Variants in RIC3 observed in about 807,000 individuals in gnomAD.
RIC3 encodes the protein protein RIC-3.
Under a neutral mutation model 27.3 loss-of-function variants are expected in RIC3, and 28 were observed. The ratio of observed to expected loss-of-function variants is 1.02; its 90% confidence interval spans 0.76 to 1.41. RIC3 has a LOEUF of 1.41. Among genes scored for constraint, RIC3 ranks in the 40% most tolerant of loss-of-function variants. RIC3 has a pLI of 0.00. For synonymous variants in RIC3, 184 were observed against 160.4 expected, an observed-to-expected ratio of 1.15 and a Z score of -1.11; for missense variants, 501 against 444.7, an observed-to-expected ratio of 1.13 and a Z score of -1.14.
chr11:8,096,931 T>C, the RIC3 span: 1 of 1,115,016 alleles, frequency 9.0e-7, no homozygotes, highest in Non-Finnish European at 1.3e-6. Context: ...CTTATGTCCC[T>C]CTACCTTGCC....
intron 4 of RIC3, among the ~76,000 whole-genome samples, chr11:8,130,895 T>C (rs1003645589): frequency 1.3e-5 from 2 of 151,756 alleles, no homozygotes; most frequent in African/African-American, 4.8e-5. Context: ...TGAAGAAAGA[T>C]AAAGCAAGAG....
intron 1 of RIC3, among the ~76,000 whole-genome samples, chr11:8,150,934 T>C (rs1486785444): frequency 2.0e-5 from 3 of 152,158 alleles, no homozygotes; most frequent in African/African-American, 7.2e-5. Context: ...CAGGTAGATA[T>C]TCACATGTAA....
chr11:8,159,701 C>G (rs757428129), intron 1 of RIC3, among the ~76,000 whole-genome samples: 2 of 152,044 alleles, frequency 1.3e-5, no homozygotes, highest in Non-Finnish European at 2.9e-5. Context: ...ATCAAGAAAA[C>G]ATGCTGAGGC....
intron 5 of RIC3, among the ~76,000 whole-genome samples, chr11:8,113,231 G>C (rs12362369): frequency 0.041 from 6,282 of 152,232 alleles, 155 homozygotes; most frequent in Middle Eastern, 0.078. Flanking sequence ...AAGTCCATTT[G>C]CTGGCATGTC....
At chr11:8,099,027 C>G in the RIC3 span, 1 of 662,816 alleles carries the variant, frequency 1.5e-6, no homozygotes, top group South Asian at 1.8e-5. Context: ...TGGCCTAGGA[C>G]AGGGGCTCTG....
intron 1 of RIC3, among the ~76,000 whole-genome samples, chr11:8,151,066 G>C (rs1194785316): frequency 1.3e-5 from 2 of 152,208 alleles, no homozygotes; most frequent in African/African-American, 4.8e-5. Context: ...ATAAATCCTT[G>C]TGACTGTGGA....
At chr11:8,168,726 G>T in intron 1 of RIC3, 140 bp downstream of exon 1, 1 of 1,273,934 alleles carries the variant, frequency 7.8e-7, no homozygotes, top group Non-Finnish European at 1.0e-6. Flanking sequence ...GCCCTTCAAC[G>T]CCGTCTCGCC....
At chr11:8,114,153 T>G (rs971117937) in intron 5 of RIC3, among the ~76,000 whole-genome samples, 3 of 152,174 alleles carry the variant, frequency 2.0e-5, no homozygotes, top group African/African-American at 7.2e-5. Flanking sequence ...TGAATGGCTT[T>G]TCCGGACAAA....
At chr11:8,100,861 G>A in the RIC3 span, 6 of 1,614,128 alleles carry the variant, frequency 3.7e-6, no homozygotes, top group Middle Eastern at 6.6e-4. Flanking sequence ...GGCAGAATAA[G>A]AACACGGAGA....
At chr11:8,125,305 C>T (rs1234076063) in intron 5 of RIC3, among the ~76,000 whole-genome samples, 2 of 151,122 alleles carry the variant, frequency 1.3e-5, no homozygotes, top group African/African-American at 2.4e-5. Flanking sequence ...AGTTGGACTT[C>T]ATCAAAATTT....
chr11:8,119,538 A>C (rs545967898), intron 5 of RIC3, among the ~76,000 whole-genome samples: 2 of 152,336 alleles, frequency 1.3e-5, no homozygotes, highest in East Asian at 1.9e-4. Flanking sequence ...TTATACAAAA[A>C]TTAATTCAAG....
At chr11:8,129,045 C>T (rs549718363) in intron 4 of RIC3, among the ~76,000 whole-genome samples, 5 of 151,964 alleles carry the variant, frequency 3.3e-5, no homozygotes, top group Non-Finnish European at 7.4e-5. Flanking sequence ...TGAGCCACAG[C>T]GCCCGGCCAA....
chr11:8,097,404 G>A, the RIC3 span: 14 of 1,614,082 alleles, frequency 8.7e-6, no homozygotes, highest in Non-Finnish European at 1.1e-5. Flanking sequence ...TTCTGCACCT[G>A]GACCGTGAGG....
At chr11:8,138,647 G>C in intron 2 of RIC3, 1 of 361,574 alleles carries the variant, frequency 2.8e-6, no homozygotes, top group Non-Finnish European at 4.9e-6. Flanking sequence ...TCAAGAACCT[G>C]TGCTAACATG....
chr11:8,124,635 A>G (rs1367336250), intron 5 of RIC3, among the ~76,000 whole-genome samples: 1 of 152,242 alleles, frequency 6.6e-6, no homozygotes, highest in Non-Finnish European at 1.5e-5. Context: ...CTTACTATAA[A>G]GACATAGTAA....
At chr11:8,118,577 A>G (rs563580830) in intron 5 of RIC3, among the ~76,000 whole-genome samples, 5 of 151,186 alleles carry the variant, frequency 3.3e-5, no homozygotes, top group Admixed American at 3.3e-4. Flanking sequence ...GCAAGAAAAC[A>G]GCAGATTGGG....
At chr11:8,114,606 C>CAAA (rs58294024) in intron 5 of RIC3, among the ~76,000 whole-genome samples, 70 of 136,664 alleles carry the variant, frequency 5.1e-4, no homozygotes, top group African/African-American at 1.7e-3. Flanking sequence ...AACTCCATCT[C>CAAA]AAAAAAAAAA....
At chr11:8,147,808 A>G (rs1285112961) in intron 1 of RIC3, among the ~76,000 whole-genome samples, 1 of 149,534 alleles carries the variant, frequency 6.7e-6, no homozygotes, top group Admixed American at 6.7e-5. Context: ...GCTCATTGCA[A>G]CCTCCGACTC....
intron 5 of RIC3, among the ~76,000 whole-genome samples, chr11:8,118,573 A>C (rs1946125874): frequency 1.3e-5 from 2 of 151,560 alleles, no homozygotes; most frequent in South Asian, 2.1e-4. Context: ...TCAGGCAAGA[A>C]AACAGCAGAT....
Sources: gnomAD v4.1 joint callset for allele counts (sites outside exome capture counted in the v4.1 genomes callset) on GRCh38, gnomAD v4.1.1 for gene constraint, MANE v1.5 for transcripts, NCBI Gene and HGNC (gene_info 2026-07-23, HGNC 2026-07-21) for gene names.